AKT2: variants seen among roughly 807,000 people sequenced by gnomAD.
The protein encoded by AKT2 is AKT serine/threonine kinase 2.
A neutral mutation model predicts 58.6 loss-of-function variants in AKT2; 16 were observed. That is an observed-to-expected ratio of 0.27 (90% CI 0.18 to 0.41). AKT2 has a LOEUF of 0.41. AKT2 is among the 10% of genes least tolerant of loss of function. AKT2 has a pLI of 1.00. For missense variants in AKT2, 438 were observed against 661.0 expected, an observed-to-expected ratio of 0.66 and a Z score of 3.70; for synonymous variants, 253 against 254.0, an observed-to-expected ratio of 1.00 and a Z score of 0.04.
At chr19:40,236,588 T>G in intron 9 of AKT2, 2 of 653,380 alleles carry the variant, frequency 3.1e-6, no homozygotes, top group East Asian at 2.9e-5. Flanking sequence ...ACCCCCATGG[T>G]ACCTGGGAAC....
chr19:40,254,558 T>A (rs967258478), intron 4 of AKT2, among the ~76,000 whole-genome samples: 2 of 149,860 alleles, frequency 1.3e-5, no homozygotes, highest in African/African-American at 4.9e-5. Flanking sequence ...TCAGGTGTGG[T>A]GGCTTGCACC....
Position 40,265,255 on chromosome 19 carries a change from A to G in AKT2, c.13T>C (p.Ser5Pro). 1 of 1,613,412 alleles carries G rather than the reference A, an allele frequency of 6.2e-7. No homozygotes were observed. The highest frequency in any genetic ancestry group is 8.5e-7 in the Non-Finnish European group (1 of 1,179,772). Residue 5 changes from serine to proline, a missense_variant, in exon 2 of 14, where the codon TCT (serine) becomes CCT (proline). Physicochemically the swap from Ser to Pro is moderately conservative, Grantham distance 74. Coordinates refer to ENST00000392038, the MANE Select transcript of AKT2 (RefSeq NM_001626.6). MNEV[S>P]VIKEGWLHKR... ...TGGAGCCAGCCTTCTTTGATGACAGACACCTCATTCATGGTGGCAGCGTGG... is the reference window on the plus strand; with the variant it reads ...TGGAGCCAGCCTTCTTTGATGACAGGCACCTCATTCATGGTGGCAGCGTGG...
At chr19:40,239,066 C>T in intron 7 of AKT2, 93 bp from the exon 8 acceptor site, 2 of 1,334,594 alleles carry the variant, frequency 1.5e-6, no homozygotes, top group Non-Finnish European at 1.0e-6. Context: ...TTATTCTGCA[C>T]ACACACACCC....
In AKT2 at chr19:40,233,331, T is replaced by C; in HGVS notation, c.*541A>G. The C allele has an allele frequency of 2.5e-6, 1 of 394,570 alleles. No homozygotes were observed. Among genetic ancestry groups the C allele is most frequent in the Non-Finnish European group, 4.8e-6 (1 of 208,760 alleles). 24.4% of individuals were successfully genotyped at this position (394,570 alleles called of 1,614,324 possible). A position where few individuals can be genotyped will look rare whatever the true frequency, so the allele number is the denominator to read the frequency against. ...CAGCCCTGCAGCTCCCAAGGGCCCC[T>C]GCCTGCCCCTGGACATTATTGCTTT... On this transcript the variant is annotated 3_prime_UTR_variant, in exon 14 of 14. Transcript: ENST00000392038. The surrounding 1 kb of genome is among the most constrained non-coding windows in gnomAD (Gnocchi z 4.3).
intron 2 of AKT2, among the ~76,000 whole-genome samples, chr19:40,263,344 C>T (rs1450602297): frequency 6.6e-6 from 1 of 152,246 alleles, no homozygotes; most frequent in East Asian, 1.9e-4. Context: ...TGAGTGCCTA[C>T]TGTATGCCCA....
chr19:40,285,146 G>C, intron 1 of AKT2, 35 bp downstream of exon 1: 1 of 392,914 alleles, frequency 2.5e-6, no homozygotes, highest in Non-Finnish European at 4.5e-6. Context: ...ACCATCGTGG[G>C]GGGGGCGTTC....
At chr19:40,248,340 C>A (rs902976413) in intron 4 of AKT2, among the ~76,000 whole-genome samples, 2 of 152,228 alleles carry the variant, frequency 1.3e-5, no homozygotes, top group African/African-American at 4.8e-5. Flanking sequence ...CATTTCTGTG[C>A]ACCAGGCTTG....
Position 40,231,588 on chromosome 19 carries a change from C to T in AKT2, c.*2284G>A, listed in dbSNP as rs1295436000. 1 of 233,222 alleles carries T rather than the reference C, an allele frequency of 4.3e-6. No individual in the cohort carries two copies. 14.4% of individuals were successfully genotyped at this position (233,222 alleles called of 1,614,324 possible). The stretch of plus-strand genomic sequence containing the variant: ...ACACCTTGCGGCAAAATCTCAAATT[C>T]ATCTGTGCCAGGCCCTCTGCACAGC... On this transcript the variant is annotated 3_prime_UTR_variant, in exon 14 of 14. Transcript: ENST00000392038.
Position 40,235,834 on chromosome 19 carries a change from C to T in AKT2, c.1175+56G>A. 1 of 1,545,148 alleles carries T rather than the reference C, an allele frequency of 6.5e-7. No homozygotes were observed. The highest frequency in any genetic ancestry group is 8.8e-7 in the Non-Finnish European group (1 of 1,142,608). The stretch of plus-strand genomic sequence containing the variant: ...TGTGGACGCTGCCCCCTCCAGGCCG[C>T]AGGGACAGTGGCAGCAGCTGGCGCT... On this transcript the variant is annotated intron_variant, in intron 11 of 13. Coordinates refer to ENST00000392038, the MANE Select transcript of AKT2 (RefSeq NM_001626.6). This position sits in a 1 kb window ranked among gnomAD's most constrained non-coding sequence, Gnocchi z 6.3.
chr19:40,249,031 G>A (rs1285359001), intron 4 of AKT2, among the ~76,000 whole-genome samples: 1 of 149,014 alleles, frequency 6.7e-6, no homozygotes, highest in Non-Finnish European at 1.5e-5. Flanking sequence ...AGGAGATGAG[G>A]ACAGGGAGGA....
At chr19:40,246,536 T>G (rs1426533820) in intron 4 of AKT2, among the ~76,000 whole-genome samples, 1 of 152,146 alleles carries the variant, frequency 6.6e-6, no homozygotes, top group Non-Finnish European at 1.5e-5. Flanking sequence ...ACAGATCTCC[T>G]AAGAGATACA....
intron 6 of AKT2, 29 bp downstream of exon 6, chr19:40,241,909 C>T: frequency 2.5e-6 from 4 of 1,612,894 alleles, no homozygotes; most frequent in Non-Finnish European, 3.4e-6. Flanking sequence ...CCCACAGAGG[C>T]TCGCGAGCGC....
intron 1 of AKT2, among the ~76,000 whole-genome samples, chr19:40,280,193 G>A (rs2077399215): frequency 6.6e-6 from 1 of 152,222 alleles, no homozygotes; most frequent in African/African-American, 2.4e-5. Context: ...CAGGGTCAGC[G>A]GGTGCTGTCT....
At chr19:40,262,418 T>C (rs1976030197) in intron 2 of AKT2, among the ~76,000 whole-genome samples, 1 of 152,188 alleles carries the variant, frequency 6.6e-6, no homozygotes, top group Admixed American at 6.5e-5. Flanking sequence ...TTGACTACTA[T>C]ACCGTCTGCC....
At position 40,238,195 on chromosome 19, in the gene AKT2, AT is replaced by A; in HGVS notation, c.709-105del. The stretch of plus-strand genomic sequence containing the variant: ...AGCGCAGTGATGTGGTGACACCTGT[AT>A]CATGAACCAGCAAGTGACAGCTAGA... On this transcript the variant is annotated intron_variant, in intron 8 of 13. Transcript: ENST00000392038. The surrounding 1 kb of genome is among the most constrained non-coding windows in gnomAD (Gnocchi z 5.1). The A allele has an allele frequency of 7.0e-7, 1 of 1,437,674 alleles. No individual in the cohort carries two copies. The highest frequency in any genetic ancestry group is 2.5e-5 in the East Asian group (1 of 39,936). 89.1% of individuals were successfully genotyped at this position (1,437,674 alleles called of 1,614,324 possible). A position where few individuals can be genotyped will look rare whatever the true frequency, so the allele number is the denominator to read the frequency against.
intron 1 of AKT2, chr19:40,270,742 G>C (rs117187898): frequency 4.6e-5 from 7 of 152,302 alleles, no homozygotes; most frequent in African/African-American, 1.7e-4. Flanking sequence ...GCTGGACGTG[G>C]TGGCTCACGC....
intron 7 of AKT2, 30 bp from the exon 8 acceptor site, chr19:40,239,003 T>C (rs1430262370): frequency 3.2e-6 from 5 of 1,556,780 alleles, no homozygotes; most frequent in Non-Finnish European, 4.4e-6. Context: ...GGGTGGGAGG[T>C]GGGAGGGAGG....
chr19:40,283,859 G>C (rs755711264), intron 1 of AKT2, among the ~76,000 whole-genome samples: 2 of 152,206 alleles, frequency 1.3e-5, no homozygotes, highest in Non-Finnish European at 2.9e-5. Context: ...AACAGCTCCC[G>C]GCCTCACTGC....
intron 7 of AKT2, chr19:40,239,365 C>A: frequency 4.1e-6 from 1 of 242,154 alleles, no homozygotes; most frequent in Non-Finnish European, 8.2e-6. Context: ...GATGGACAGG[C>A]TGTCAGTCAA....
Sources: gnomAD v4.1 joint callset for allele counts (sites outside exome capture counted in the v4.1 genomes callset) on GRCh38, gnomAD v4.1.1 for gene constraint, Gnocchi (gnomAD v3.1) non-coding constraint, MANE v1.5 for transcripts, NCBI Gene and HGNC (gene_info 2026-07-23, HGNC 2026-07-21) for gene names.